CGRRF1: variants seen among roughly 807,000 people sequenced by gnomAD.
The protein encoded by CGRRF1 is cell growth regulator with ring finger domain 1.
A neutral mutation model predicts 37.2 loss-of-function variants in CGRRF1; 32 were observed. The observed-to-expected ratio is 0.86, with a 90% CI of 0.65 to 1.16. The LOEUF (loss-of-function observed/expected upper bound fraction) is 1.16. CGRRF1 is among the 50% of genes most tolerant of loss of function. CGRRF1 has a pLI of 0.00. For synonymous variants in CGRRF1, 141 were observed against 140.3 expected (o/e 1.00, Z -0.04); for missense variants, 391 against 382.6 (o/e 1.02, Z -0.18).
intron 4 of CGRRF1, among the ~76,000 whole-genome samples, chr14:54,534,615 A>T (rs534308755): frequency 3.1e-4 from 47 of 152,228 alleles, no homozygotes; most frequent in Non-Finnish European, 5.3e-4. Flanking sequence ...AGTTGCAAAA[A>T]TAAAAAAGTA....
intron 1 of CGRRF1, among the ~76,000 whole-genome samples, chr14:54,520,805 C>G (rs907655431): frequency 6.6e-6 from 1 of 152,158 alleles, no homozygotes; most frequent in African/African-American, 2.4e-5. Context: ...CTCATTTCAG[C>G]GGAGTCTTTC....
chr14:54,520,612 A>T (rs1217223941), intron 1 of CGRRF1, among the ~76,000 whole-genome samples: 1 of 152,212 alleles, frequency 6.6e-6, no homozygotes, highest in Non-Finnish European at 1.5e-5. Flanking sequence ...TCTACCATAA[A>T]TTTGTTGTGC....
In CGRRF1 at chr14:54,522,454, G is replaced by A. The variant is rs769742557; in HGVS notation, c.105G>A (p.Trp35Ter). The change falls in exon 2 of 6, where the codon TGG (tryptophan) becomes TGA (stop). Residue 35 changes from tryptophan to a stop codon, truncating the protein, a stop_gained and splice_region_variant. Transcript: ENST00000216420. LOFTEE classifies it high-confidence loss of function. The part of the protein sequence containing the change: ...FIVTTGLVLG[W>*]FGWDVPVILR... ...TATTTTATTTTTTACCTTTTTTTAGGTTTGGTTGGGATGTTCCAGTAATTC... is the reference window on the plus strand; with the variant it reads ...TATTTTATTTTTTACCTTTTTTTAGATTTGGTTGGGATGTTCCAGTAATTC... 1 of 1,540,634 alleles carries A rather than the reference G, an allele frequency of 6.5e-7. No homozygotes were observed. Among genetic ancestry groups the A allele is most frequent in the Admixed American group, 2.3e-5 (1 of 42,926 alleles).
At chr14:54,519,490 T>C (rs2032278835) in intron 1 of CGRRF1, among the ~76,000 whole-genome samples, 1 of 150,380 alleles carries the variant, frequency 6.6e-6, no homozygotes, top group Non-Finnish European at 1.5e-5. Flanking sequence ...GGCTCAAGCA[T>C]TCCTCCCTCC....
At position 54,520,034 on chromosome 14, in the gene CGRRF1, T is replaced by C. The variant is rs2032289010; in HGVS notation, c.105-2420T>C. Among the ~76,000 whole-genome samples, 3 of 152,222 alleles carry C rather than the reference T, an allele frequency of 2.0e-5. No homozygotes were observed. The South Asian group carries it at 6.2e-4, about 32-fold the overall frequency. ...TTCTAAAACATTACATATTACTGAT[T>C]AGAGTTCAGTGTTTGTTTTCGTTTA... On this transcript the variant is annotated intron_variant, in intron 1 of 5. Coordinates refer to ENST00000216420, the MANE Select transcript of CGRRF1 (RefSeq NM_006568.3).
At chr14:54,515,164 C>T (rs553049029) in intron 1 of CGRRF1, among the ~76,000 whole-genome samples, 1 of 149,624 alleles carries the variant, frequency 6.7e-6, no homozygotes, top group Admixed American at 6.7e-5. Flanking sequence ...TCTCGGCTCA[C>T]TGCAACCTCC....
Position 54,538,401 on chromosome 14 carries a change from A to G in CGRRF1, c.*18A>G, listed in dbSNP as rs765845993. 1 of 1,556,322 alleles carries G rather than the reference A, an allele frequency of 6.4e-7. No individual in the cohort carries two copies. The highest frequency in any genetic ancestry group is 1.8e-5 in the Admixed American group (1 of 55,760). On this transcript the variant is annotated 3_prime_UTR_variant, in exon 6 of 6. Coordinates refer to ENST00000216420, the MANE Select transcript of CGRRF1 (RefSeq NM_006568.3). Reference sequence around the variant, plus strand: ...CTCTTTGAAGACATCGTAACACTGAAAAGTACACTTTCTACTAAAGATGCA... The same window carrying G: ...CTCTTTGAAGACATCGTAACACTGAGAAGTACACTTTCTACTAAAGATGCA...
At chr14:54,526,527 TA>T (rs2032414984) in intron 2 of CGRRF1, among the ~76,000 whole-genome samples, 1 of 152,082 alleles carries the variant, frequency 6.6e-6, no homozygotes, top group African/African-American at 2.4e-5. Flanking sequence ...TTCTGTTTAC[TA>T]GGGGTGGGTT....
Position 54,538,676 on chromosome 14 carries a change from C to T in CGRRF1, c.*293C>T, listed in dbSNP as rs1434058319. On this transcript the variant is annotated 3_prime_UTR_variant, in exon 6 of 6. Transcript: ENST00000216420. ...TCTCATGTTAATTAGAAAAATCATT[C>T]TGAAAGGCAATCCATTGAAAATTTG... 4.5e-6 allele frequency: 1 copy of T among 220,760 alleles called. No individual in the cohort carries two copies. The highest frequency in any genetic ancestry group is 2.3e-5 in the African/African-American group (1 of 43,778). The allele number at this position is 220,760 out of a possible 1,614,324, so 13.7% of individuals were successfully genotyped here. A position where few individuals can be genotyped will look rare whatever the true frequency, so the allele number is the denominator to read the frequency against.
At chr14:54,523,870 C>G (rs772949395) in intron 2 of CGRRF1, among the ~76,000 whole-genome samples, 4 of 151,980 alleles carry the variant, frequency 2.6e-5, no homozygotes, top group African/African-American at 4.8e-5. Context: ...TTTTCTGGGC[C>G]GAGACCCTGT....
chr14:54,527,560 C>T (rs895729416), intron 2 of CGRRF1, among the ~76,000 whole-genome samples: 2 of 151,958 alleles, frequency 1.3e-5, no homozygotes, highest in African/African-American at 4.8e-5. Flanking sequence ...TCTGATTAAT[C>T]TCCAGTTGTC....
chr14:54,530,761 T>C (rs1428449510), intron 3 of CGRRF1, 142 bp from the exon 4 acceptor site: 1 of 896,500 alleles, frequency 1.1e-6, no homozygotes, highest in Non-Finnish European at 1.7e-6. Flanking sequence ...AGGAACAGTA[T>C]TTGTATCCTT....
Position 54,538,199 on chromosome 14 carries a change from A to G in CGRRF1, c.815A>G (p.Lys272Arg). ...SEVEPSEENS[K>R]DCVVCQNGTV... The stretch of plus-strand genomic sequence containing the variant: ...GTTGAGCCATCGGAAGAGAACAGCA[A>G]GGACTGTGTTGTTTGCCAGAATGGG... The change falls in exon 6 of 6, where the codon AAG (lysine) becomes AGG (arginine). Residue 272 changes from lysine (K) to arginine (R), a missense_variant. Coordinates refer to ENST00000216420, the MANE Select transcript of CGRRF1 (RefSeq NM_006568.3). The G allele has an allele frequency of 1.1e-5, 18 of 1,614,200 alleles. No homozygotes were observed. Among genetic ancestry groups the G allele is most frequent in the Non-Finnish European group, 1.5e-5 (18 of 1,180,032 alleles).
intron 2 of CGRRF1, among the ~76,000 whole-genome samples, chr14:54,525,529 T>G (rs1190674736): frequency 6.6e-6 from 1 of 152,234 alleles, no homozygotes; most frequent in Admixed American, 6.5e-5. Context: ...TGCATATCAT[T>G]TATTATCTTT....
intron 2 of CGRRF1, among the ~76,000 whole-genome samples, chr14:54,525,735 C>T (rs1185621273): frequency 2.0e-5 from 3 of 151,100 alleles, no homozygotes; most frequent in South Asian, 2.1e-4. Context: ...TTTTTTTCAC[C>T]ACTGTACCCA....
intron 1 of CGRRF1, chr14:54,510,283 G>T: frequency 1.8e-6 from 1 of 568,612 alleles, no homozygotes; most frequent in East Asian, 3.0e-5. Flanking sequence ...TGTCGCTGGG[G>T]CATCTTGGGG....
At position 54,538,318 on chromosome 14, in the gene CGRRF1, G is replaced by T. The variant is rs762459905; in HGVS notation, c.934G>T (p.Val312Phe). The change falls in exon 6 of 6, where the codon GTT (valine) becomes TTT (phenylalanine). Residue 312 changes from valine to phenylalanine, a missense_variant. Coordinates refer to ENST00000216420, the MANE Select transcript of CGRRF1 (RefSeq NM_006568.3). ...FQQCPMCRQF[V>F]QESFALCSQK... ...GCAGTGCCCAATGTGCAGGCAGTTTGTTCAGGAATCTTTTGCACTTTGCAG... is the reference window on the plus strand; with the variant it reads ...GCAGTGCCCAATGTGCAGGCAGTTTTTTCAGGAATCTTTTGCACTTTGCAG... The T allele has an allele frequency of 3.1e-6, 5 of 1,614,002 alleles. No homozygotes were observed. Among genetic ancestry groups the T allele is most frequent in the Non-Finnish European group, 2.5e-6 (3 of 1,179,878 alleles).
At chr14:54,515,457 G>A (rs1028955265) in intron 1 of CGRRF1, among the ~76,000 whole-genome samples, 2 of 152,060 alleles carry the variant, frequency 1.3e-5, no homozygotes, top group African/African-American at 4.8e-5. Flanking sequence ...AGTTTTTGAT[G>A]TCCTTACTGA....
At chr14:54,533,249 T>TCA (rs1355513146) in intron 4 of CGRRF1, among the ~76,000 whole-genome samples, 3 of 152,164 alleles carry the variant, frequency 2.0e-5, no homozygotes, top group African/African-American at 7.2e-5. Context: ...AGAGAAGAGT[T>TCA]TGCTCTCAGG....
Sources: gnomAD v4.1 joint callset for allele counts (sites outside exome capture counted in the v4.1 genomes callset) on GRCh38, gnomAD v4.1.1 for gene constraint, MANE v1.5 for transcripts, NCBI Gene and HGNC (gene_info 2026-07-23, HGNC 2026-07-21) for gene names.